ZNF469: variants seen among roughly 807,000 people sequenced by gnomAD.
ZNF469 encodes the protein zinc finger protein 469.
A neutral mutation model predicts 1.0 loss-of-function variants in ZNF469; 1 was observed. The observed-to-expected ratio is 1.00, with a 90% CI of 0.35 to 4.73. ZNF469 has a LOEUF of 4.73. Ranked by LOEUF, ZNF469 falls within the 30% of genes most tolerant of loss-of-function variation. The pLI is 0.16. For synonymous variants in ZNF469, 2,703 were observed against 2,363.4 expected (o/e 1.14, Z -4.17); for missense variants, 6,100 against 5,356.3 (o/e 1.14, Z -4.33).
upstream of ZNF469, among the ~76,000 whole-genome samples, chr16:88,379,912 C>G (rs73255418): frequency 2.0e-5 from 3 of 152,152 alleles, no homozygotes; most frequent in Non-Finnish European, 2.9e-5. Flanking sequence ...GGAGTGGGTA[C>G]AGGGTCATCC....
the ZNF469 span, among the ~76,000 whole-genome samples, chr16:88,342,140 G>C: frequency 4.6e-5 from 7 of 152,134 alleles, no homozygotes; most frequent in Admixed American, 1.3e-4. Flanking sequence ...GAGGCGCTGC[G>C]ACAGGGGTCT....
chr16:88,355,473 G>A, the ZNF469 span, among the ~76,000 whole-genome samples: 1 of 152,230 alleles, frequency 6.6e-6, no homozygotes, highest in African/African-American at 2.4e-5. Context: ...CCTGAAGGAT[G>A]GGGAGAAACG....
the ZNF469 span, among the ~76,000 whole-genome samples, chr16:88,159,176 C>T: frequency 8.4e-5 from 9 of 107,264 alleles, no homozygotes; most frequent in Non-Finnish European, 2.0e-4. Context: ...GGACCACTCA[C>T]TGTCCTGGTC....
chr16:88,321,183 G>A, the ZNF469 span, among the ~76,000 whole-genome samples: 5 of 152,392 alleles, frequency 3.3e-5, no homozygotes, highest in African/African-American at 1.2e-4. Flanking sequence ...CAAGGGGAAG[G>A]TCCTGGGGTG....
At chr16:88,208,769 G>A in the ZNF469 span, among the ~76,000 whole-genome samples, 1 of 10,898 alleles carries the variant, frequency 9.2e-5, no homozygotes, top group African/African-American at 2.2e-4. Context: ...TAGTAAATGC[G>A]CGTGCGCGCG....
At chr16:88,137,264 CAT>C in the ZNF469 span, among the ~76,000 whole-genome samples, 1 of 152,180 alleles carries the variant, frequency 6.6e-6, no homozygotes, top group South Asian at 2.1e-4. Flanking sequence ...TGTGTAAAAC[CAT>C]GTGTGTGTAT....
the ZNF469 span, among the ~76,000 whole-genome samples, chr16:88,368,131 T>C: frequency 3.9e-5 from 6 of 152,228 alleles, no homozygotes; most frequent in Admixed American, 3.9e-4. Flanking sequence ...ACAAGCCTGC[T>C]CCCTCAGCTG....
chr16:88,319,535 C>T, the ZNF469 span, among the ~76,000 whole-genome samples: 3 of 152,156 alleles, frequency 2.0e-5, no homozygotes, highest in African/African-American at 7.2e-5. Context: ...GATCCCTTTT[C>T]CATGTGCAGC....
the ZNF469 span, among the ~76,000 whole-genome samples, chr16:88,116,749 G>C: frequency 6.6e-6 from 1 of 152,136 alleles, no homozygotes; most frequent in Non-Finnish European, 1.5e-5. Context: ...CCATGACGCT[G>C]TTTATGGAAC....
At position 88,435,989 on chromosome 16, in the gene ZNF469, A is replaced by C. The variant is rs1906544211; in HGVS notation, c.8519A>C (p.Asp2840Ala). ...GVQGPEGPTPDASGSSAKDPP... is the reference protein window; with the variant it reads ...GVQGPEGPTPAASGSSAKDPP... ...CAGGGGCCTGAAGGCCCCACTCCTG[A>C]TGCCTCTGGCTCCAGTGCCAAGGAT... The change falls in exon 3 of 3, where the codon GAT (aspartate) becomes GCT (alanine). Residue 2840 changes from aspartate (D) to alanine (A), a missense_variant. Asp to Ala is a moderately radical substitution (Grantham distance 126). Coordinates refer to ENST00000565624, the MANE Select transcript of ZNF469 (RefSeq NM_001367624.2). 6.5e-7 allele frequency: 1 copy of C among 1,549,958 alleles called. No individual in the cohort carries two copies. Among genetic ancestry groups the C allele is most frequent in the Non-Finnish European group, 8.7e-7 (1 of 1,146,978 alleles).
the ZNF469 span, among the ~76,000 whole-genome samples, chr16:88,229,956 A>G: frequency 6.6e-6 from 1 of 151,636 alleles, no homozygotes. Context: ...ACTCTGTGCC[A>G]CTCTGGTTGG....
At chr16:88,113,579 C>G in the ZNF469 span, among the ~76,000 whole-genome samples, 2 of 152,314 alleles carry the variant, frequency 1.3e-5, no homozygotes, top group African/African-American at 4.8e-5. Flanking sequence ...ACCTCCAGCC[C>G]TGGGGAAGGC....
At chr16:88,261,434 C>G in the ZNF469 span, among the ~76,000 whole-genome samples, 4 of 152,158 alleles carry the variant, frequency 2.6e-5, no homozygotes, top group Admixed American at 2.6e-4. This position sits in a 1 kb window ranked among gnomAD's most constrained non-coding sequence, Gnocchi z 6.0. Context: ...AGGTCATGCC[C>G]CCCGCTGAGG....
the ZNF469 span, among the ~76,000 whole-genome samples, chr16:88,359,019 G>A: frequency 1.3e-5 from 2 of 152,176 alleles, no homozygotes; most frequent in African/African-American, 2.4e-5. Flanking sequence ...CTTCTACGGG[G>A]ACTCCCCCTA....
Position 88,431,164 on chromosome 16 carries a change from G to C in ZNF469, c.3694G>C (p.Glu1232Gln). The change falls in exon 3 of 3, where the codon GAA (glutamate) becomes CAA (glutamine). Residue 1232 changes from glutamate to glutamine, a missense_variant. Glu to Gln is a conservative substitution (Grantham distance 29). Transcript: ENST00000565624. ...GGAGGCCAAGGAGCCTGAAACTGCC[G>C]AAGAGTCAGCCCCGGACAGCACAGA... ...PQEAKEPETAEESAPDSTEFT... is the reference protein window; with the variant it reads ...PQEAKEPETAQESAPDSTEFT... The C allele has an allele frequency of 6.5e-7, 1 of 1,550,262 alleles. No homozygotes were observed. The highest frequency in any genetic ancestry group is 8.7e-7 in the Non-Finnish European group (1 of 1,146,958).
At chr16:88,242,432 C>T in the ZNF469 span, among the ~76,000 whole-genome samples, 1 of 152,182 alleles carries the variant, frequency 6.6e-6, no homozygotes, top group Non-Finnish European at 1.5e-5. Flanking sequence ...CTTGTGACCT[C>T]ACTTGGCCAT....
the ZNF469 span, among the ~76,000 whole-genome samples, chr16:88,350,409 A>T: frequency 6.6e-6 from 1 of 152,238 alleles, no homozygotes; most frequent in African/African-American, 2.4e-5. Flanking sequence ...CCTTGGCCAG[A>T]ATCGCCTAGG....
the ZNF469 span, among the ~76,000 whole-genome samples, chr16:88,321,581 C>A: frequency 6.6e-6 from 1 of 151,496 alleles, no homozygotes; most frequent in Non-Finnish European, 1.5e-5. Flanking sequence ...TCGGATTCTG[C>A]TCATAAGGCC....
chr16:88,159,462 G>A, the ZNF469 span, among the ~76,000 whole-genome samples: 3 of 152,102 alleles, frequency 2.0e-5, no homozygotes, highest in Non-Finnish European at 2.9e-5. Context: ...TGTGGATCTC[G>A]TGTCCATGTG....
Sources: gnomAD v4.1 joint callset for allele counts (sites outside exome capture counted in the v4.1 genomes callset) on GRCh38, gnomAD v4.1.1 for gene constraint, Gnocchi (gnomAD v3.1) non-coding constraint, MANE v1.5 for transcripts, NCBI Gene and HGNC (gene_info 2026-07-23, HGNC 2026-07-21) for gene names.